The following IGF2R variants were observed in gnomAD, a reference collection of about 807,000 sequenced individuals.
IGF2R encodes the protein insulin like growth factor 2 receptor, also known as cation-independent mannose-6-phosphate receptor.
A neutral mutation model predicts 270.6 loss-of-function variants in IGF2R; 91 were observed. The ratio of observed to expected loss-of-function variants is 0.34; its 90% CI spans 0.28 to 0.40. The LOEUF is 0.40. IGF2R is among the 10% of genes least tolerant of loss of function. The probability of loss-of-function intolerance (pLI) is 1.00; values close to 1 mark genes in which losing one functional copy is unlikely to be tolerated. For missense variants in IGF2R, 2,805 were observed against 3,188.3 expected (o/e 0.88, Z 2.90); for synonymous variants, 1,316 against 1,258.9 (o/e 1.05, Z -0.96).
At chr6:160,059,965 G>A (rs1267173975) in intron 22 of IGF2R, among the ~76,000 whole-genome samples, 4 of 152,242 alleles carry the variant, frequency 2.6e-5, no homozygotes, top group African/African-American at 7.2e-5. Flanking sequence ...TGGTAAACTC[G>A]TGGGATTTAA....
chr6:160,100,811 G>T (rs1728639298), intron 45 of IGF2R, among the ~76,000 whole-genome samples: 1 of 60,104 alleles, frequency 1.7e-5, no homozygotes. Flanking sequence ...TTTTTTTGGA[G>T]ACAGAGACTT....
At chr6:160,043,809 A>G (rs559096995) in intron 12 of IGF2R, among the ~76,000 whole-genome samples, 110 of 152,326 alleles carry the variant, frequency 7.2e-4, no homozygotes, top group African/African-American at 2.2e-3. Flanking sequence ...TTTGTCATTT[A>G]TGACTCACTT....
chr6:160,088,081 A>G lies in IGF2R; in HGVS notation c.6254A>G (p.Asn2085Ser). ...TCCAAAGGTTATCCGTGTGGTGGAAATAAGACCGCATCCTCCGTGATAGAA... is the reference window on the plus strand; with the variant it reads ...TCCAAAGGTTATCCGTGTGGTGGAAGTAAGACCGCATCCTCCGTGATAGAA... Reference protein sequence around the residue: ...TYSKGYPCGGNKTASSVIELT... With the variant: ...TYSKGYPCGGSKTASSVIELT... Residue 2085 changes from asparagine (N) to serine (S), a missense_variant, in exon 42 of 48, where the codon AAT (asparagine) becomes AGT (serine). Coordinates refer to ENST00000356956, the MANE Select transcript of IGF2R (RefSeq NM_000876.4). 1 of 1,614,136 alleles carries G rather than the reference A, an allele frequency of 6.2e-7. No homozygotes were observed. The highest frequency in any genetic ancestry group is 2.2e-5 in the East Asian group (1 of 44,894).
chr6:159,989,684 C>T (rs904255037), intron 1 of IGF2R, among the ~76,000 whole-genome samples: 7 of 152,184 alleles, frequency 4.6e-5, no homozygotes, highest in African/African-American at 1.2e-4. Flanking sequence ...CTCTGGCCTT[C>T]GCCTCCCAAA....
intron 29 of IGF2R, among the ~76,000 whole-genome samples, chr6:160,065,150 G>A (rs546313727): frequency 4.6e-5 from 7 of 152,202 alleles, no homozygotes; most frequent in South Asian, 4.1e-4. Flanking sequence ...GCACTCTTGC[G>A]TGATCCACAT....
In IGF2R at chr6:159,969,392, G is replaced by C; in HGVS notation, c.146G>C (p.Cys49Ser). 8.1e-7 allele frequency: 1 copy of C among 1,239,870 alleles called. No individual in the cohort carries two copies. The highest frequency in any genetic ancestry group is 3.3e-5 in the South Asian group (1 of 30,348). 76.8% of individuals were successfully genotyped at this position (1,239,870 alleles called of 1,614,324 possible). ...QAQAAPFPEL[C>S]SYTWEAVDTK... ...CAGGCCGCCCCGTTCCCCGAGCTGTGCAGGTGGGTGGCCCGCCCGGACGCA... is the reference window on the plus strand; with the variant it reads ...CAGGCCGCCCCGTTCCCCGAGCTGTCCAGGTGGGTGGCCCGCCCGGACGCA... The change falls in exon 1 of 48, where the codon TGC becomes TCC. Residue 49 changes from cysteine to serine, a missense_variant. Physicochemically the swap from Cys to Ser is moderately radical, Grantham distance 112 (BLOSUM62 -1). Transcript: ENST00000356956.
intron 17 of IGF2R, among the ~76,000 whole-genome samples, 171 bp downstream of exon 17, chr6:160,048,078 C>T (rs1778110052): frequency 2.0e-5 from 3 of 152,200 alleles, no homozygotes; most frequent in Admixed American, 1.3e-4. Context: ...GTCTGGTCGC[C>T]TTTGGGATAG....
At chr6:159,999,980 A>G (rs3822844) in intron 2 of IGF2R, among the ~76,000 whole-genome samples, 55,521 of 152,018 alleles carry the variant, frequency 0.37, 11,012 homozygotes, top group East Asian at 0.7. Flanking sequence ...AAAGACATAC[A>G]CTAGACTGGG....
rs757467101 is a variant in IGF2R at position 160,010,795 on chromosome 6, G to C, written c.513+10G>C. 3.4e-6 allele frequency: 5 copies of C among 1,490,068 alleles called. No individual in the cohort carries two copies. The highest frequency in any genetic ancestry group is 4.7e-6 in the Non-Finnish European group (5 of 1,067,008). The allele number at this position is 1,490,068 out of a possible 1,614,324, so 92.3% of individuals were successfully genotyped here. On this transcript the variant is annotated intron_variant, in intron 4 of 47. Transcript: ENST00000356956. Reference sequence around the variant, plus strand: ...TAAAGCAAATAAGGAGGTAACATGGGAACTTCAAATTACATGCTTATGAAG... The same window carrying C: ...TAAAGCAAATAAGGAGGTAACATGGCAACTTCAAATTACATGCTTATGAAG...
intron 44 of IGF2R, chr6:160,094,589 C>T (rs1779306175): frequency 6.5e-6 from 1 of 153,288 alleles, no homozygotes; most frequent in Admixed American, 6.5e-5. Context: ...CAGTTTTTAT[C>T]TACCTTCATT....
In IGF2R at chr6:160,102,364, T is replaced by G. The variant is rs1199835454; in HGVS notation, c.6843-155T>G. Among the ~76,000 whole-genome samples, 1 of 152,084 alleles carries G rather than the reference T, an allele frequency of 6.6e-6. No homozygotes were observed. Among genetic ancestry groups the G allele is most frequent in the African/African-American group, 2.4e-5 (1 of 41,404 alleles). On this transcript the variant is annotated intron_variant, in intron 45 of 47. Coordinates refer to ENST00000356956, the MANE Select transcript of IGF2R (RefSeq NM_000876.4). This position sits in a 1 kb window ranked among gnomAD's most constrained non-coding sequence, Gnocchi z 4.5. ...TTTTGCAGCCCTCTTCCATGTGGAG[T>G]GGGACTTGTGGCCTTGTTTTCTGGG...
chr6:160,022,022 A>G (rs996900791), intron 4 of IGF2R, among the ~76,000 whole-genome samples: 1 of 151,658 alleles, frequency 6.6e-6, no homozygotes, highest in Non-Finnish European at 1.5e-5. Context: ...GAACACACAC[A>G]CACACACACA....
intron 15 of IGF2R, among the ~76,000 whole-genome samples, chr6:160,046,869 A>G (rs1778079601): frequency 2.0e-5 from 3 of 152,168 alleles, no homozygotes; most frequent in Non-Finnish European, 4.4e-5. Context: ...ATGCCTCACT[A>G]TTGCGCATTT....
At position 160,044,558 on chromosome 6, in the gene IGF2R, A is replaced by G. The variant is rs769636416; in HGVS notation, c.1666A>G (p.Met556Val). Residue 556 changes from methionine (M) to valine (V), a missense_variant, in exon 13 of 48, where the codon ATG (methionine) becomes GTG (valine). By Grantham distance (21) the Met-to-Val change is conservative. This residue lies in a region of IGF2R where 954 missense variants were observed against 981.1 expected (regional missense o/e 0.97). Transcript: ENST00000356956. ...TCTGGGAAAATTTATTTCCTCTCCCATGAAAGAGAAAGGAAACATTCAACT... is the reference window on the plus strand; with the variant it reads ...TCTGGGAAAATTTATTTCCTCTCCCGTGAAAGAGAAAGGAAACATTCAACT... ...KNLGKFISSPMKEKGNIQLSY... is the reference protein window; with the variant it reads ...KNLGKFISSPVKEKGNIQLSY... 2.1e-5 allele frequency: 33 copies of G among 1,607,358 alleles called. No homozygotes were observed. Among genetic ancestry groups the G allele is most frequent in the Non-Finnish European group, 1.7e-5 (20 of 1,175,216 alleles).
rs1777645945 is a variant in IGF2R at position 160,029,586 on chromosome 6, G to C, written c.813G>C (p.Lys271Asn). ...GTTACGTGAGGGAAGAGGCAGGAAA[G>C]CTAGACTTTTGTGATGGTCACAGCC... Reference protein sequence around the residue: ...VLSYVREEAGKLDFCDGHSPA... With the variant: ...VLSYVREEAGNLDFCDGHSPA... The change falls in exon 7 of 48, where the codon AAG becomes AAC. Residue 271 changes from lysine (K) to asparagine (N), a missense_variant. Physicochemically the swap from Lys to Asn is moderately conservative, Grantham distance 94. Coordinates refer to ENST00000356956, the MANE Select transcript of IGF2R (RefSeq NM_000876.4). 6.2e-7 allele frequency: 1 copy of C among 1,614,158 alleles called. No individual in the cohort carries two copies. Among genetic ancestry groups the C allele is most frequent in the Non-Finnish European group, 8.5e-7 (1 of 1,179,984 alleles).
At chr6:160,044,276 A>G (rs1017388771) in intron 12 of IGF2R, among the ~76,000 whole-genome samples, 7 of 152,154 alleles carry the variant, frequency 4.6e-5, no homozygotes, top group East Asian at 3.9e-4. Context: ...GGCTGAACCT[A>G]TGGATGACCC....
At chr6:160,074,067 T>A in intron 35 of IGF2R, 92 bp downstream of exon 35, 1 of 858,860 alleles carries the variant, frequency 1.2e-6, no homozygotes, top group Admixed American at 2.3e-5. Flanking sequence ...GGGGAGTTGC[T>A]CAAGCATAAA....
At chr6:160,061,304 C>T (rs920359146) in intron 23 of IGF2R, among the ~76,000 whole-genome samples, 199 bp from the exon 24 acceptor site, 6 of 152,212 alleles carry the variant, frequency 3.9e-5, no homozygotes, top group South Asian at 2.1e-4. Flanking sequence ...CCACCAGGCC[C>T]GGCTGTGAAG....
chr6:159,995,201 T>TC (rs1451494739), intron 2 of IGF2R, among the ~76,000 whole-genome samples: 1 of 152,108 alleles, frequency 6.6e-6, no homozygotes, highest in East Asian at 1.9e-4. Flanking sequence ...CTTTTTTTTT[T>TC]CTTTTTTAAC....
Sources: allele counts gnomAD v4.1 joint callset (sites outside exome capture counted in the v4.1 genomes callset), GRCh38; gene constraint gnomAD v4.1.1; regional missense constraint gnomAD v4.1.1; non-coding constraint Gnocchi (gnomAD v3.1); transcripts MANE v1.5; gene names NCBI Gene and HGNC (gene_info 2026-07-23, HGNC 2026-07-21).